PTPN18: variants seen among roughly 807,000 people sequenced by gnomAD.
The protein encoded by PTPN18 is tyrosine-protein phosphatase non-receptor type 18.
In PTPN18, 65 loss-of-function variants were observed where a neutral mutation model predicts 65.4. The observed-to-expected ratio is 0.99, with a 90% CI of 0.81 to 1.22. The LOEUF is 1.22. PTPN18 is among the 50% of genes most tolerant of loss of function. PTPN18 has a pLI of 0.00. For missense variants in PTPN18, 616 were observed against 646.5 expected (o/e 0.95, Z 0.51); for synonymous variants, 255 against 267.8 (o/e 0.95, Z 0.47).
chr2:130,372,483 G>C lies in PTPN18; in HGVS notation c.1240G>C (p.Val414Leu). The C allele has an allele frequency of 7.3e-7, 1 of 1,376,012 alleles. No homozygotes were observed. Among genetic ancestry groups the C allele is most frequent in the South Asian group, 1.7e-5 (1 of 59,638 alleles). 85.2% of individuals were successfully genotyped at this position (1,376,012 alleles called of 1,614,324 possible). A position where few individuals can be genotyped will look rare whatever the true frequency, so the allele number is the denominator to read the frequency against. Residue 414 changes from valine to leucine, a missense_variant and splice_region_variant, in exon 13 of 15, where the codon GTT becomes CTT. Around this residue, in one of 3 missense-constraint regions of PTPN18, gnomAD observed 368 missense variants for 386.7 expected, o/e 0.95. Coordinates refer to ENST00000175756, the MANE Select transcript of PTPN18 (RefSeq NM_014369.4). The part of the protein sequence containing the change: ...EDARGTLPGR[V>L]PADQSPAGSG... ...CGCGAGGGGGACGCTGCCTGGCCGC[G>C]GTGAGTCGAGGCTTGCTCCTTCTCA...
chr2:130,357,127 G>T (rs1271227389), intron 1 of PTPN18, among the ~76,000 whole-genome samples: 1 of 152,340 alleles, frequency 6.6e-6, no homozygotes, highest in Middle Eastern at 3.4e-3. Flanking sequence ...GGCAGAGGTT[G>T]CAGTGAGCTG....
chr2:130,356,538 G>C, intron 1 of PTPN18: 1 of 504,932 alleles, frequency 2.0e-6, no homozygotes, highest in Non-Finnish European at 4.0e-6. Context: ...GGGCGGCCCT[G>C]CTGCGCTGGA....
rs1381844149 is a variant in PTPN18, at chr2:130,372,510, G to A, written c.1240+27G>A. The stretch of plus-strand genomic sequence containing the variant: ...TGAGTCGAGGCTTGCTCCTTCTCAG[G>A]GCATCATCCTGCTGTGATCCGCAGG... On this transcript the variant is annotated intron_variant, in intron 13 of 14. Transcript: ENST00000175756. The A allele has an allele frequency of 1.2e-5, 16 of 1,390,722 alleles. No individual in the cohort carries two copies. The South Asian group carries it at 2.4e-4, about 21-fold the overall frequency. 86.1% of individuals were successfully genotyped at this position (1,390,722 alleles called of 1,614,324 possible).
At position 130,374,296 on chromosome 2, in the gene PTPN18, A is replaced by T. The variant is rs9967796; in HGVS notation, c.*1072A>T. 3 of 235,634 alleles carry T rather than the reference A, an allele frequency of 1.3e-5. No homozygotes were observed. In the South Asian group the frequency reaches 1.6e-4, roughly 13 times the overall value. The allele number at this position is 235,634 out of a possible 1,614,324, so 14.6% of individuals were successfully genotyped here. A position where few individuals can be genotyped will look rare whatever the true frequency, so the allele number is the denominator to read the frequency against. On this transcript the variant is annotated 3_prime_UTR_variant, in exon 15 of 15. Transcript: ENST00000175756. ...CTCCCAACCAGACTGACCCCTTACT[A>T]TTCACACAGCCTGCCGAGTAGCTGG...
Position 130,369,760 on chromosome 2 carries a change from C to T in PTPN18, c.484-5C>T, listed in dbSNP as rs1558846203. ...CTTCTTACTTGCCCCACCCCCCTTA[C>T]TCAGATAAAGGAGAAGTGGCTGAAT... is the stretch of plus-strand genomic sequence containing the variant. On this transcript the variant is annotated splice_polypyrimidine_tract_variant and splice_region_variant and intron_variant, in intron 6 of 14. Coordinates refer to ENST00000175756, the MANE Select transcript of PTPN18 (RefSeq NM_014369.4). 1 of 1,587,842 alleles carries T rather than the reference C, an allele frequency of 6.3e-7. No individual in the cohort carries two copies. The highest frequency in any genetic ancestry group is 1.7e-4 in the Middle Eastern group (1 of 6,026).
intron 12 of PTPN18, among the ~76,000 whole-genome samples, chr2:130,371,801 C>A (rs371595491): frequency 6.6e-6 from 1 of 152,204 alleles, no homozygotes; most frequent in East Asian, 1.9e-4. Flanking sequence ...GGCGACAGAG[C>A]GAGATCCTGT....
intron 13 of PTPN18, 173 bp downstream of exon 13, chr2:130,372,656 T>C: frequency 2.9e-6 from 3 of 1,029,780 alleles, no homozygotes; most frequent in Middle Eastern, 3.2e-4. Context: ...AAGCGCCCCC[T>C]GGCGGTCGCA....
At position 130,372,364 on chromosome 2, in the gene PTPN18, C is replaced by T; in HGVS notation, c.1121C>T (p.Thr374Met). 4.4e-6 allele frequency: 6 copies of T among 1,361,950 alleles called. No homozygotes were observed. The highest frequency in any genetic ancestry group is 1.7e-5 in the South Asian group (1 of 58,772). The allele number at this position is 1,361,950 out of a possible 1,614,324, so 84.4% of individuals were successfully genotyped here. The change falls in exon 13 of 15, where the codon ACG (threonine) becomes ATG (methionine). Residue 374 changes from threonine to methionine, a missense_variant. Coordinates refer to ENST00000175756, the MANE Select transcript of PTPN18 (RefSeq NM_014369.4). ...AGAGSGTQTG[T>M]GTGTGARSAE... ...GCCGGGAGTGGGACGCAGACGGGGA[C>T]GGGGACGGGGACGGGGGCGCGCAGC...
intron 5 of PTPN18, among the ~76,000 whole-genome samples, chr2:130,367,431 T>TG (rs1680420678): frequency 1.3e-5 from 2 of 152,120 alleles, no homozygotes; most frequent in African/African-American, 4.8e-5. Context: ...CCCAGCACTT[T>TG]GGGAGGCCAA....
chr2:130,368,659 T>A (rs937073832), intron 5 of PTPN18, among the ~76,000 whole-genome samples: 1 of 152,232 alleles, frequency 6.6e-6, no homozygotes, highest in African/African-American at 2.4e-5. Context: ...TTGTTTTGTT[T>A]TTATTTGCAT....
At chr2:130,372,175 G>T in intron 12 of PTPN18, 82 bp from the exon 13 acceptor site, 1 of 1,352,666 alleles carries the variant, frequency 7.4e-7, no homozygotes, top group East Asian at 2.7e-5. Context: ...GGAAGCCCGT[G>T]GTTTGCGCGC....
chr2:130,370,773 GCAGA>G lies in PTPN18; in HGVS notation c.830_833del (p.Thr277ArgfsTer115), dbSNP rs758129770. The G allele has an allele frequency of 1.2e-5, 19 of 1,614,116 alleles. No individual in the cohort carries two copies. In the African/African-American group the frequency reaches 2.3e-4, roughly 19 times the overall value. ...TGAGGAAGCAGCGGCCTGCGGCCGT[GCAGA>G]CAGAGGTGAACCCTGGGTCTCCTAA... On this transcript the variant is annotated frameshift_variant, in exon 10 of 15. Transcript: ENST00000175756. LOFTEE classifies it high-confidence loss of function.
At chr2:130,365,011 G>C (rs1467793386) in intron 5 of PTPN18, among the ~76,000 whole-genome samples, 2 of 152,098 alleles carry the variant, frequency 1.3e-5, no homozygotes, top group African/African-American at 4.8e-5. Flanking sequence ...TTAATGACAG[G>C]GATATGGTCT....
Position 130,365,953 on chromosome 2 carries a change from T to A in PTPN18, c.415-3180T>A, listed in dbSNP as rs530741242. On this transcript the variant is annotated intron_variant, in intron 5 of 14. Transcript: ENST00000175756. Reference sequence around the variant, plus strand: ...TGTTTATCCTTGTGCCAGTGTAACATAGTTTTGATTATTATACCTTTGTAG... The same window carrying A: ...TGTTTATCCTTGTGCCAGTGTAACAAAGTTTTGATTATTATACCTTTGTAG... Among the ~76,000 whole-genome samples, 3 of 152,358 alleles carry A rather than the reference T, an allele frequency of 2.0e-5. No homozygotes were observed. The South Asian group carries it at 6.2e-4, about 32-fold the overall frequency.
At chr2:130,372,182 G>T (rs1052446414) in intron 12 of PTPN18, 75 bp from the exon 13 acceptor site, 4 of 1,396,578 alleles carry the variant, frequency 2.9e-6, no homozygotes, top group Admixed American at 2.2e-5. Flanking sequence ...CGTGGTTTGC[G>T]CGCTGAGCAG....
At chr2:130,372,773 CTCCCCTTCGGGCCTCCGGGGAAGCG>C in intron 13 of PTPN18, 75 bp from the exon 14 acceptor site, 3 of 1,420,586 alleles carry the variant, frequency 2.1e-6, no homozygotes, top group Non-Finnish European at 2.9e-6. Flanking sequence ...GCCCTCGGCT[CTCCCCTTCGGGCCTCCGGGGAAGCG>C]TCCCCGCTAG....
intron 5 of PTPN18, among the ~76,000 whole-genome samples, chr2:130,366,606 C>T (rs1680388397): frequency 6.6e-6 from 1 of 152,094 alleles, no homozygotes; most frequent in Admixed American, 6.6e-5. Context: ...TAATACTAGC[C>T]TCATACAATA....
chr2:130,362,483 CTT>C (rs1306332926), intron 5 of PTPN18: 1 of 188,778 alleles, frequency 5.3e-6, no homozygotes, highest in Non-Finnish European at 1.1e-5. Flanking sequence ...AGCTATACAT[CTT>C]TATTTTAAAT....
intron 12 of PTPN18, 57 bp downstream of exon 12, chr2:130,371,344 T>C (rs1680560333): frequency 7.1e-7 from 1 of 1,416,652 alleles, no homozygotes; most frequent in Non-Finnish European, 9.7e-7. Context: ...TAACCCCTTC[T>C]TCATCCTTGG....
Sources: allele counts gnomAD v4.1 joint callset (sites outside exome capture counted in the v4.1 genomes callset), GRCh38; gene constraint gnomAD v4.1.1; regional missense constraint gnomAD v4.1.1; transcripts MANE v1.5; gene names NCBI Gene and HGNC (gene_info 2026-07-23, HGNC 2026-07-21).